Variants in PPM1L observed in about 807,000 individuals in gnomAD.
The protein encoded by PPM1L is protein phosphatase, Mg2+/Mn2+ dependent 1L, also known as protein phosphatase 1L.
PPM1L carries 13 observed loss-of-function variants against 31.4 expected under a neutral mutation model. That is an observed-to-expected ratio of 0.41 (90% CI 0.27 to 0.66). The LOEUF is 0.66. Ranked by LOEUF, PPM1L falls within the 30% of genes least tolerant of loss-of-function variation. The probability of loss-of-function intolerance (pLI) is 0.29; values close to 1 mark genes in which losing one functional copy is unlikely to be tolerated. For synonymous variants in PPM1L, 184 were observed against 175.4 expected (o/e 1.05, Z -0.39); for missense variants, 326 against 453.7 (o/e 0.72, Z 2.56).
At chr3:160,937,161 T>G (rs532623378) in intron 1 of PPM1L, among the ~76,000 whole-genome samples, 1 of 152,366 alleles carries the variant, frequency 6.6e-6, no homozygotes, top group Non-Finnish European at 1.5e-5. Context: ...GTATTTATAT[T>G]TACATAGTCT....
intron 1 of PPM1L, among the ~76,000 whole-genome samples, chr3:160,957,244 T>C (rs913224906): frequency 6.6e-6 from 1 of 152,226 alleles, no homozygotes; most frequent in Non-Finnish European, 1.5e-5. Flanking sequence ...CTCATTTTTT[T>C]ATAGCTGCAT....
chr3:160,810,495 C>T (rs930054486), intron 1 of PPM1L, among the ~76,000 whole-genome samples: 2 of 152,160 alleles, frequency 1.3e-5, no homozygotes, highest in African/African-American at 4.8e-5. Context: ...TTAAATTGGT[C>T]CCTGGTGGCC....
intron 1 of PPM1L, among the ~76,000 whole-genome samples, chr3:160,934,846 G>A (rs977601382): frequency 6.6e-6 from 1 of 152,040 alleles, no homozygotes; most frequent in Admixed American, 6.6e-5. Context: ...CCAGCTGCTT[G>A]GGAGGCTGAG....
intron 1 of PPM1L, among the ~76,000 whole-genome samples, chr3:160,898,884 G>A (rs568718384): frequency 6.6e-6 from 1 of 152,160 alleles, no homozygotes; most frequent in Non-Finnish European, 1.5e-5. Flanking sequence ...GAGACATTAA[G>A]TTAACATGCT....
chr3:160,835,350 C>T (rs938176379), intron 1 of PPM1L, among the ~76,000 whole-genome samples: 1 of 151,888 alleles, frequency 6.6e-6, no homozygotes, highest in African/African-American at 2.4e-5. Flanking sequence ...TCTAAAGTGA[C>T]TCTTGCTTCC....
intron 1 of PPM1L, among the ~76,000 whole-genome samples, chr3:160,769,415 T>C (rs1715190482): frequency 6.6e-6 from 1 of 152,202 alleles, no homozygotes; most frequent in Non-Finnish European, 1.5e-5. Flanking sequence ...TGGATTGTCT[T>C]AGGGATGGTT....
chr3:160,947,678 G>A (rs1006983142), intron 1 of PPM1L, among the ~76,000 whole-genome samples: 1 of 152,102 alleles, frequency 6.6e-6, no homozygotes, highest in Non-Finnish European at 1.5e-5. Context: ...GAGCACACCC[G>A]TCTATGTAGC....
intron 1 of PPM1L, among the ~76,000 whole-genome samples, chr3:160,858,210 T>C (rs1711780614): frequency 6.6e-6 from 1 of 152,212 alleles, no homozygotes; most frequent in Non-Finnish European, 1.5e-5. Context: ...TTAGCACAAA[T>C]AACTTTCAAA....
chr3:160,975,675 G>A (rs542474762), intron 2 of PPM1L, among the ~76,000 whole-genome samples: 23 of 152,234 alleles, frequency 1.5e-4, no homozygotes, highest in African/African-American at 5.1e-4. Flanking sequence ...CTCTCTGTTT[G>A]TCTGTTGTTA....
At position 160,795,279 on chromosome 3, in the gene PPM1L, A is replaced by G. The variant is rs148629870; in HGVS notation, c.399+38572A>G. Among the ~76,000 whole-genome samples, 412 of 152,298 alleles carry G rather than the reference A, an allele frequency of 2.7e-3. 4 individuals are homozygous for G. Among genetic ancestry groups the G allele is most frequent in the Middle Eastern group, 0.01 (3 of 294 alleles). On this transcript the variant is annotated intron_variant, in intron 1 of 3. Transcript: ENST00000498165. ...CCCCTTTTCTAAGTAACTCTAGACC[A>G]GGGTTTAGATCTGGTCTTAACACGG...
At chr3:160,948,142 G>A (rs183684771) in intron 1 of PPM1L, among the ~76,000 whole-genome samples, 15 of 152,162 alleles carry the variant, frequency 9.9e-5, no homozygotes, top group African/African-American at 2.9e-4. Flanking sequence ...GTGACTGCCC[G>A]TCCAGCTATT....
chr3:160,987,119 C>T (rs995906057), intron 2 of PPM1L, among the ~76,000 whole-genome samples: 5 of 152,162 alleles, frequency 3.3e-5, no homozygotes, highest in African/African-American at 1.2e-4. Flanking sequence ...GGCATGGTGT[C>T]CAGTTTGGAT....
At chr3:161,026,212 A>C (rs1718383730) in intron 2 of PPM1L, among the ~76,000 whole-genome samples, 1 of 152,314 alleles carries the variant, frequency 6.6e-6, no homozygotes, top group Admixed American at 6.5e-5. Context: ...TACTGCCCTT[A>C]AGGGGGTACT....
At chr3:160,835,060 T>TCTA (rs1198752632) in intron 1 of PPM1L, among the ~76,000 whole-genome samples, 2 of 148,786 alleles carry the variant, frequency 1.3e-5, no homozygotes, top group African/African-American at 2.5e-5. Context: ...TTCTTCTTCT[T>TCTA]CTTCTTCTTC....
chr3:160,828,242 A>G (rs1468638849), intron 1 of PPM1L, among the ~76,000 whole-genome samples: 1 of 152,066 alleles, frequency 6.6e-6, no homozygotes, highest in African/African-American at 2.4e-5. Flanking sequence ...GTATTAAGCT[A>G]CTTTACCTGC....
chr3:160,954,912 C>T (rs1409350157), intron 1 of PPM1L, among the ~76,000 whole-genome samples: 1 of 119,826 alleles, frequency 8.3e-6, no homozygotes, highest in Non-Finnish European at 1.8e-5. Flanking sequence ...TCCTTCCTTC[C>T]TTCCTTCCTT....
intron 2 of PPM1L, among the ~76,000 whole-genome samples, chr3:161,032,054 T>G (rs537574509): frequency 6.6e-6 from 1 of 152,320 alleles, no homozygotes; most frequent in South Asian, 2.1e-4. Context: ...CTTCAGCCCA[T>G]TTTATTTTAG....
At chr3:160,897,488 C>T (rs1253694059) in intron 1 of PPM1L, among the ~76,000 whole-genome samples, 2 of 152,178 alleles carry the variant, frequency 1.3e-5, no homozygotes, top group African/African-American at 2.4e-5. Flanking sequence ...TTAGTTCGTC[C>T]TTAACCTTAA....
intron 1 of PPM1L, among the ~76,000 whole-genome samples, chr3:160,815,654 T>C (rs1436095617): frequency 1.3e-5 from 2 of 152,206 alleles, no homozygotes; most frequent in Non-Finnish European, 2.9e-5. Context: ...AAATAACTCC[T>C]TATTCCATCA....
Sources: allele counts gnomAD v4.1 joint callset (sites outside exome capture counted in the v4.1 genomes callset), GRCh38; gene constraint gnomAD v4.1.1; transcripts MANE v1.5; gene names NCBI Gene and HGNC (gene_info 2026-07-23, HGNC 2026-07-21).